The following ATRX variants were observed in gnomAD, a reference collection of about 807,000 sequenced individuals.
The protein encoded by ATRX is chromatin remodeler ATRX.
ATRX carries 12 observed loss-of-function variants against 172.6 expected under a neutral mutation model. The observed-to-expected ratio is 0.07, with a 90% CI of 0.04 to 0.11. The LOEUF (loss-of-function observed/expected upper bound fraction) is 0.11, where lower values mean the gene tolerates loss of function less well. Among genes scored for constraint, ATRX ranks in the 10% least tolerant of loss-of-function variants. ATRX has a pLI of 1.00. For missense variants in ATRX, 1,368 were observed against 1,767.4 expected, an observed-to-expected ratio of 0.77 and a Z score of 4.05; for synonymous variants, 674 against 594.7, an observed-to-expected ratio of 1.13 and a Z score of -1.94.
Position 77,683,032 on chromosome X carries a change from T to C in ATRX, c.2224A>G (p.Ser742Gly), listed in dbSNP as rs368980616. ...DEMLAILKEVSRMSHSSSSDT... is the reference protein window; with the variant it reads ...DEMLAILKEVGRMSHSSSSDT... ...GAAGAAGAACTGTGACTCATCCTGC[T>C]CACCTCTTTGAGGATTGCTAGCATT... The change falls in exon 9 of 35, where the codon AGC (serine) becomes GGC (glycine). Residue 742 changes from serine (S) to glycine (G), a missense_variant. Physicochemically the swap from Ser to Gly is moderately conservative, Grantham distance 56. Transcript: ENST00000373344. The C allele has an allele frequency of 4.1e-5, 50 of 1,208,815 alleles. No homozygotes were observed. Among genetic ancestry groups the C allele is most frequent in the Non-Finnish European group, 5.6e-5 (50 of 894,470 alleles).
intron 29 of ATRX, 110 bp from the exon 30 acceptor site, chrX:77,557,755 T>C: frequency 6.0e-6 from 4 of 666,931 alleles, no homozygotes; most frequent in Non-Finnish European, 2.2e-6. Context: ...AACTTTATGG[T>C]AGTATATTGC....
At chrX:77,521,744 A>G in intron 32 of ATRX, 1 of 290,252 alleles carries the variant, frequency 3.4e-6, no homozygotes, top group Non-Finnish European at 6.1e-6. Flanking sequence ...AGAAGAATCC[A>G]TAAGCACATT....
chrX:77,766,630 G>A (rs1448160005), intron 1 of ATRX, among the ~76,000 whole-genome samples: 19 of 106,273 alleles, frequency 1.8e-4, no homozygotes, highest in African/African-American at 5.2e-4. Context: ...ATGAGCGGCC[G>A]GGCAGAGACG....
At chrX:77,588,367 C>T (rs1557078343) in intron 27 of ATRX, among the ~76,000 whole-genome samples, 2 of 111,580 alleles carry the variant, frequency 1.8e-5, no homozygotes, top group African/African-American at 6.5e-5. Context: ...CTTTTTATTT[C>T]GAAATGGTTT....
At chrX:77,744,819 C>T (rs1347615435) in intron 1 of ATRX, among the ~76,000 whole-genome samples, 2 of 110,550 alleles carry the variant, frequency 1.8e-5, no homozygotes, top group Admixed American at 1.9e-4. Flanking sequence ...GAAACCCCAT[C>T]TCTACGAACA....
chrX:77,592,610 C>T (rs189888550), intron 26 of ATRX, among the ~76,000 whole-genome samples: 1 of 107,916 alleles, frequency 9.3e-6, no homozygotes, highest in Non-Finnish European at 1.9e-5. Context: ...GTCAGGAGTT[C>T]GAGACCAGCC....
intron 4 of ATRX, 96 bp from the exon 5 acceptor site, chrX:77,696,800 T>C: frequency 1.1e-6 from 1 of 905,369 alleles, no homozygotes. Context: ...GAGCAGTGGG[T>C]CTCAACAAGG....
intron 1 of ATRX, among the ~76,000 whole-genome samples, chrX:77,718,805 TCA>T (rs2073590871): frequency 9.0e-6 from 1 of 111,199 alleles, no homozygotes; most frequent in South Asian, 3.8e-4. Flanking sequence ...TCTTGCTCTG[TCA>T]CACAGGCTTG....
intron 1 of ATRX, among the ~76,000 whole-genome samples, chrX:77,743,628 G>A (rs1316323064): frequency 9.0e-6 from 1 of 111,531 alleles, no homozygotes; most frequent in Non-Finnish European, 1.9e-5. Flanking sequence ...TACTGGCCTG[G>A]ATCTCATTGT....
chrX:77,585,860 G>A (rs926848165), intron 27 of ATRX, among the ~76,000 whole-genome samples: 4 of 110,392 alleles, frequency 3.6e-5, no homozygotes, highest in Non-Finnish European at 7.6e-5. Flanking sequence ...TGGAACTGGA[G>A]GTCATTAAGT....
intron 1 of ATRX, among the ~76,000 whole-genome samples, chrX:77,717,667 C>T (rs1286546917): frequency 9.1e-6 from 1 of 110,405 alleles, no homozygotes; most frequent in African/African-American, 3.3e-5. Flanking sequence ...CACAACCTAC[C>T]TGTACACTTA....
At chrX:77,651,407 T>C (rs2069235967) in intron 15 of ATRX, among the ~76,000 whole-genome samples, 1 of 110,991 alleles carries the variant, frequency 9.0e-6, no homozygotes, top group Non-Finnish European at 1.9e-5. Context: ...AGAAGTAATT[T>C]TGAAACATTT....
At chrX:77,776,185 G>A (rs2076344683) in intron 1 of ATRX, among the ~76,000 whole-genome samples, 1 of 112,051 alleles carries the variant, frequency 8.9e-6, no homozygotes, top group African/African-American at 3.2e-5. Context: ...TCGGTTACTA[G>A]CCAAAATGTA....
At chrX:77,559,788 G>C (rs1290519743) in intron 28 of ATRX, among the ~76,000 whole-genome samples, 1 of 110,540 alleles carries the variant, frequency 9.0e-6, no homozygotes, top group Admixed American at 9.7e-5. Flanking sequence ...GGATAATTTA[G>C]GAATGAATTG....
At chrX:77,708,123 T>G (rs1191004946) in intron 2 of ATRX, among the ~76,000 whole-genome samples, 1 of 112,065 alleles carries the variant, frequency 8.9e-6, no homozygotes, top group Non-Finnish European at 1.9e-5. Flanking sequence ...CACAAAAAAC[T>G]GTACACCAAT....
chrX:77,727,474 T>A (rs937135226), intron 1 of ATRX, among the ~76,000 whole-genome samples: 1 of 111,486 alleles, frequency 9.0e-6, no homozygotes, highest in Non-Finnish European at 1.9e-5. Flanking sequence ...ATGTGGCACC[T>A]ATACACCACG....
At chrX:77,565,882 TATAACAGAA>T (rs2147984915) in intron 28 of ATRX, among the ~76,000 whole-genome samples, 1 of 107,254 alleles carries the variant, frequency 9.3e-6, no homozygotes, top group South Asian at 4.0e-4. Flanking sequence ...AACTGAAAAA[TATAACAGAA>T]ATTAAAAACT....
chrX:77,520,885 T>C lies in ATRX; in HGVS notation c.7103A>G (p.Gln2368Arg), dbSNP rs1557041098. ...TCTACTTAATGCTAACGCCTGTACT[T>C]GGGCCTCTGAGAGATTCATGTTCTC... ...WKENMNLSEA[Q>R]VQALALSRQA... Residue 2368 changes from glutamine to arginine, a missense_variant, in exon 34 of 35, where the codon CAA (glutamine) becomes CGA (arginine). Gln to Arg is a conservative substitution (Grantham distance 43). Transcript: ENST00000373344. 1 of 1,209,880 alleles carries C rather than the reference T, an allele frequency of 8.3e-7. No individual in the cohort carries two copies. The highest frequency in any genetic ancestry group is 3.0e-5 in the East Asian group (1 of 33,836).
At chrX:77,755,552 T>C (rs1407626745) in intron 1 of ATRX, among the ~76,000 whole-genome samples, 5 of 112,161 alleles carry the variant, frequency 4.5e-5, no homozygotes, top group Admixed American at 1.9e-4. Context: ...GTTGATATTA[T>C]TGCTTTCTAT....
Sources: allele counts gnomAD v4.1 joint callset (sites outside exome capture counted in the v4.1 genomes callset), GRCh38; gene constraint gnomAD v4.1.1; transcripts MANE v1.5; gene names NCBI Gene and HGNC (gene_info 2026-07-23, HGNC 2026-07-21).